ATG2B: variants seen among roughly 807,000 people sequenced by gnomAD.
The protein encoded by ATG2B is autophagy related 2B.
A neutral mutation model predicts 241.3 loss-of-function variants in ATG2B; 121 were observed. That is an observed-to-expected ratio of 0.50 (90% CI 0.43 to 0.58). The LOEUF is 0.58. Ranked by LOEUF, ATG2B falls within the 20% of genes least tolerant of loss-of-function variation. The pLI is 0.00. For missense variants in ATG2B, 2,306 were observed against 2,491.6 expected (o/e 0.93, Z 1.59); for synonymous variants, 858 against 876.6 (o/e 0.98, Z 0.37).
chr14:96,343,209 G>T lies in ATG2B; in HGVS notation c.654C>A (p.His218Gln). ...ACACTCCAGAGAGCTGAAGTAACTT[G>T]TGAGCAAAAGCAGTGGGTTGATGCA... is the stretch of plus-strand genomic sequence containing the variant. ...INVHQPTAFA[H>Q]KLLQLSGVSL... is the part of the protein sequence containing the mutation. The change falls in exon 5 of 42, where the codon CAC becomes CAA. Residue 218 changes from histidine to glutamine, a missense_variant. Around this residue, in one of 2 missense-constraint regions of ATG2B, gnomAD observed 1,927 missense variants for 2,011.2 expected, o/e 0.96. Transcript: ENST00000359933. 2 of 1,611,880 alleles carry T rather than the reference G, an allele frequency of 1.2e-6. No individual in the cohort carries two copies. The highest frequency in any genetic ancestry group is 1.7e-6 in the Non-Finnish European group (2 of 1,178,692).
chr14:96,316,181 C>T (rs1018143995), intron 21 of ATG2B, among the ~76,000 whole-genome samples: 3 of 151,982 alleles, frequency 2.0e-5, no homozygotes, highest in African/African-American at 4.8e-5. Context: ...AAGGAGAGAG[C>T]GGAAGGGGTG....
At chr14:96,357,189 A>C (rs1888499933) in intron 1 of ATG2B, among the ~76,000 whole-genome samples, 1 of 152,064 alleles carries the variant, frequency 6.6e-6, no homozygotes, top group Admixed American at 6.6e-5. Flanking sequence ...TCCTAGGACC[A>C]CTCACCTTTT....
chr14:96,282,003 T>A lies in ATG2B; in HGVS notation c.*3752A>T, dbSNP rs1246667562. 6.6e-6 allele frequency: 1 copy of A among 152,190 alleles called. No homozygotes were observed. The highest frequency in any genetic ancestry group is 1.5e-5 in the Non-Finnish European group (1 of 68,028). The allele number at this position is 152,190 out of a possible 1,614,324, so 9.4% of individuals were successfully genotyped here. On this transcript the variant is annotated 3_prime_UTR_variant, in exon 42 of 42. Coordinates refer to ENST00000359933, the MANE Select transcript of ATG2B (RefSeq NM_018036.7). ...TTCTGAATAAAAACATTGGCTGACT[T>A]GCAACTGTGCATATAATGTCTATTC...
At chr14:96,315,630 A>C (rs934745045) in intron 21 of ATG2B, 47 bp from the exon 22 acceptor site, 9 of 1,460,278 alleles carry the variant, frequency 6.2e-6, no homozygotes, top group Non-Finnish European at 7.6e-6. Context: ...TGATTACTTG[A>C]AATTAGCTAA....
chr14:96,317,234 A>ATT lies in ATG2B; in HGVS notation c.3119_3120dup (p.Leu1041AsnfsTer2). ...TGAGAGTTCTTGTTCTGAGAGTCTAATTTTTTTTTCCTGCGAGAACGATAG... is the reference window on the plus strand; with the variant it reads ...TGAGAGTTCTTGTTCTGAGAGTCTAATTTTTTTTTTTCCTGCGAGAACGATAG... On this transcript the variant is annotated frameshift_variant, in exon 20 of 42. Transcript: ENST00000359933. LOFTEE classifies it high-confidence loss of function. The ATT allele has an allele frequency of 6.3e-7, 1 of 1,598,910 alleles. No homozygotes were observed. Among genetic ancestry groups the ATT allele is most frequent in the Non-Finnish European group, 8.6e-7 (1 of 1,168,558 alleles).
intron 1 of ATG2B, among the ~76,000 whole-genome samples, chr14:96,350,699 A>C (rs1173138785): frequency 6.6e-6 from 1 of 152,256 alleles, no homozygotes; most frequent in African/African-American, 2.4e-5. Context: ...CTAGTGTTGA[A>C]TAGTGAGACT....
At chr14:96,350,407 G>A (rs1203714637) in intron 1 of ATG2B, among the ~76,000 whole-genome samples, 1 of 152,104 alleles carries the variant, frequency 6.6e-6, no homozygotes, top group Non-Finnish European at 1.5e-5. Context: ...ACAGAGAAGA[G>A]TGGTCAAGCT....
At chr14:96,288,311 CATTT>C (rs1463253646) in intron 41 of ATG2B, among the ~76,000 whole-genome samples, 1 of 152,178 alleles carries the variant, frequency 6.6e-6, no homozygotes, top group Non-Finnish European at 1.5e-5. Context: ...AGTAAGCACA[CATTT>C]ATTTTAAAAT....
At chr14:96,287,724 T>G (rs1886377091) in intron 41 of ATG2B, among the ~76,000 whole-genome samples, 1 of 152,222 alleles carries the variant, frequency 6.6e-6, no homozygotes. Context: ...TAAGTAGGGG[T>G]TGACATACTT....
rs372400649 is a variant in ATG2B, at chr14:96,323,952, A to G, written c.2484T>C (p.His828=). The change falls in exon 16 of 42, where the codon CAT becomes CAC. Residue 828 remains histidine, a synonymous_variant. Transcript: ENST00000359933. ...TATCTCCATCTACTCCACTAGACAC[A>G]TGGAAAAACTTAATAGATGGATCTC... ...EKGDPSIKFF[H]VSSGVDGDTT... is the part of the protein sequence containing the mutation. 1.7e-5 allele frequency: 28 copies of G among 1,611,464 alleles called. No homozygotes were observed. In the African/African-American group the frequency reaches 3.1e-4, roughly 18 times the overall value.
At chr14:96,353,604 C>A (rs558093712) in intron 1 of ATG2B, among the ~76,000 whole-genome samples, 8 of 149,642 alleles carry the variant, frequency 5.3e-5, no homozygotes, top group African/African-American at 2.0e-4. Context: ...CCAGCCAGGG[C>A]GAAACAGTGA....
chr14:96,312,999 A>T, intron 25 of ATG2B, 66 bp downstream of exon 25: 1 of 987,934 alleles, frequency 1.0e-6, no homozygotes, highest in Non-Finnish European at 1.5e-6. Context: ...AAAATGGTTT[A>T]GGTAAATATC....
chr14:96,295,543 C>T lies in ATG2B; in HGVS notation c.5157G>A (p.Leu1719=), dbSNP rs1282425317. The change falls in exon 35 of 42, where the codon CTG becomes CTA. Residue 1719 remains leucine (L), a synonymous_variant. Transcript: ENST00000359933. ...LNIDQDALFF[L]KDFFTSLSAE... ...CAGAAAGACTTGTGAAGAAATCCTT[C>T]AGGAAGAACAAAGCATCCTAAAATT... is the stretch of plus-strand genomic sequence containing the variant. 1 of 1,602,648 alleles carries T rather than the reference C, an allele frequency of 6.2e-7. No homozygotes were observed. The highest frequency in any genetic ancestry group is 1.3e-5 in the African/African-American group (1 of 74,262).
chr14:96,343,670 G>A (rs998529221), intron 4 of ATG2B, among the ~76,000 whole-genome samples: 3 of 152,110 alleles, frequency 2.0e-5, no homozygotes, highest in African/African-American at 7.2e-5. Context: ...AACAATTCCT[G>A]TACTCCCCCA....
chr14:96,351,272 C>A (rs563720648), intron 1 of ATG2B, among the ~76,000 whole-genome samples: 1 of 152,342 alleles, frequency 6.6e-6, no homozygotes, highest in South Asian at 2.1e-4. Context: ...GGGATCACAA[C>A]CAACCTCTAT....
chr14:96,327,710 T>A (rs1370193900), intron 14 of ATG2B, among the ~76,000 whole-genome samples: 1 of 152,240 alleles, frequency 6.6e-6, no homozygotes, highest in South Asian at 2.1e-4. Flanking sequence ...TTTCTATACA[T>A]CAATTTTATT....
intron 31 of ATG2B, among the ~76,000 whole-genome samples, chr14:96,305,105 GCC>G (rs1249514620): frequency 6.6e-6 from 1 of 152,140 alleles, no homozygotes; most frequent in Non-Finnish European, 1.5e-5. Context: ...AAGGAAGTCT[GCC>G]CCCTACAGGG....
intron 6 of ATG2B, among the ~76,000 whole-genome samples, chr14:96,340,370 A>G (rs1405773413): frequency 6.6e-6 from 1 of 151,700 alleles, no homozygotes; most frequent in Non-Finnish European, 1.5e-5. Flanking sequence ...ATTCAACCAT[A>G]AAAAATAATG....
chr14:96,311,767 T>C lies in ATG2B; in HGVS notation c.3914-149A>G, dbSNP rs561819677. 18 of 586,394 alleles carry C rather than the reference T, an allele frequency of 3.1e-5. No individual in the cohort carries two copies. In the South Asian group the frequency reaches 3.5e-4, roughly 12 times the overall value. The allele number at this position is 586,394 out of a possible 1,614,324, so 36.3% of individuals were successfully genotyped here. A position where few individuals can be genotyped will look rare whatever the true frequency, so the allele number is the denominator to read the frequency against. The stretch of plus-strand genomic sequence containing the variant: ...ATGCAATGAAAATAGTTTCATCCCA[T>C]AGAAGTCCTAAAATTCACTTTATTT... On this transcript the variant is annotated intron_variant, in intron 26 of 41. Transcript: ENST00000359933.
Sources: gnomAD v4.1 joint callset for allele counts (sites outside exome capture counted in the v4.1 genomes callset) on GRCh38, gnomAD v4.1.1 for gene constraint, gnomAD v4.1.1 regional missense constraint, MANE v1.5 for transcripts, NCBI Gene and HGNC (gene_info 2026-07-23, HGNC 2026-07-21) for gene names.